SLC38A9: variants seen among roughly 807,000 people sequenced by gnomAD.
The protein encoded by SLC38A9 is solute carrier family 38 member 9, also known as neutral amino acid transporter 9.
SLC38A9 carries 48 observed loss-of-function variants against 62.3 expected under a neutral mutation model. The ratio of observed to expected loss-of-function variants is 0.77; its 90% CI spans 0.61 to 0.98. The LOEUF (loss-of-function observed/expected upper bound fraction) is 0.98, where lower values mean the gene tolerates loss of function less well. SLC38A9 is among the 50% of genes least tolerant of loss of function. The probability of loss-of-function intolerance (pLI) is 0.00; values close to 1 mark genes in which losing one functional copy is unlikely to be tolerated. For synonymous variants in SLC38A9, 204 were observed against 227.7 expected, an observed-to-expected ratio of 0.90 and a Z score of 0.94; for missense variants, 541 against 679.8, an observed-to-expected ratio of 0.80 and a Z score of 2.27.
chr5:55,630,024 A>G (rs1185814420), intron 14 of SLC38A9, among the ~76,000 whole-genome samples: 1 of 152,224 alleles, frequency 6.6e-6, no homozygotes, highest in Non-Finnish European at 1.5e-5. Flanking sequence ...ACGATAGACC[A>G]ATTGGTTTTA....
chr5:55,638,463 T>TGACTCTGC (rs1744830544), intron 12 of SLC38A9, among the ~76,000 whole-genome samples: 1 of 152,206 alleles, frequency 6.6e-6, no homozygotes, highest in African/African-American at 2.4e-5. Flanking sequence ...ATAAGGTAAC[T>TGACTCTGC]GACTCTGTCT....
In SLC38A9 at chr5:55,681,542, G is replaced by A. The variant is rs149484314; in HGVS notation, c.114-8847C>T. ...GGATGACCTTGCCAAAGGACTGCAG[G>A]TTTGCTTCAGGGTTTAGGAGAGGCT... On this transcript the variant is annotated intron_variant, in intron 3 of 15. Coordinates refer to ENST00000396865, the MANE Select transcript of SLC38A9 (RefSeq NM_173514.4). 6.1e-3 allele frequency among the ~76,000 whole-genome samples: 930 copies of A among 152,254 alleles called. 5 individuals are homozygous for A. Among genetic ancestry groups the A allele is most frequent in the African/African-American group, 0.019 (798 of 41,546 alleles).
intron 2 of SLC38A9, among the ~76,000 whole-genome samples, chr5:55,705,551 G>T (rs1757186623): frequency 6.6e-6 from 1 of 152,014 alleles, no homozygotes; most frequent in African/African-American, 2.4e-5. Context: ...TTGAAACCAG[G>T]TCACTTTGAT....
intron 3 of SLC38A9, among the ~76,000 whole-genome samples, chr5:55,695,379 A>G (rs1241292492): frequency 9.6e-6 from 1 of 104,234 alleles, no homozygotes; most frequent in African/African-American, 3.2e-5. Context: ...CAAGTGAACA[A>G]AGGTCTCTGG....
intron 3 of SLC38A9, chr5:55,672,910 C>A (rs1751544359): frequency 7.8e-6 from 3 of 386,340 alleles, no homozygotes; most frequent in Non-Finnish European, 1.3e-5. Context: ...TTACTTTAAG[C>A]ACACTTTTTT....
At chr5:55,652,477 C>G in intron 10 of SLC38A9, 52 bp downstream of exon 10, 18 of 1,173,610 alleles carry the variant, frequency 1.5e-5, no homozygotes, top group Non-Finnish European at 2.1e-5. Flanking sequence ...TCCCTAGACT[C>G]CACCACGTAT....
intron 14 of SLC38A9, among the ~76,000 whole-genome samples, chr5:55,631,734 G>A (rs1239926240): frequency 6.6e-6 from 1 of 152,148 alleles, no homozygotes; most frequent in Non-Finnish European, 1.5e-5. Context: ...AACAAGAACT[G>A]ATTAAGACCA....
At chr5:55,637,115 G>T (rs1472053295) in intron 12 of SLC38A9, among the ~76,000 whole-genome samples, 1 of 152,194 alleles carries the variant, frequency 6.6e-6, no homozygotes, top group Non-Finnish European at 1.5e-5. Context: ...CTCAAGAACA[G>T]AGGTAGCCTT....
rs528532785 is a variant in SLC38A9 at position 55,638,928 on chromosome 5, A to G, written c.1168-3271T>C. On this transcript the variant is annotated intron_variant, in intron 12 of 15. Coordinates refer to ENST00000396865, the MANE Select transcript of SLC38A9 (RefSeq NM_173514.4). ...AAATATCAAGAGGTCAATCCACACAACCAGGAGGGTTATAGGGACTACATA... is the reference window on the plus strand; with the variant it reads ...AAATATCAAGAGGTCAATCCACACAGCCAGGAGGGTTATAGGGACTACATA... Among the ~76,000 whole-genome samples, 7 of 152,286 alleles carry G rather than the reference A, an allele frequency of 4.6e-5. No individual in the cohort carries two copies. The South Asian group carries it at 1.5e-3, about 32-fold the overall frequency.
At chr5:55,678,739 T>C (rs1321495888) in intron 3 of SLC38A9, among the ~76,000 whole-genome samples, 2 of 144,952 alleles carry the variant, frequency 1.4e-5, no homozygotes, top group Non-Finnish European at 3.0e-5. Flanking sequence ...TGGCTCACTA[T>C]TACCTTGAAC....
intron 3 of SLC38A9, among the ~76,000 whole-genome samples, chr5:55,678,613 C>T (rs1429485426): frequency 6.8e-6 from 1 of 146,806 alleles, no homozygotes; most frequent in South Asian, 2.1e-4. Context: ...CAAAAAACAT[C>T]ACATGTAATT....
chr5:55,694,207 C>CA (rs3884110), intron 3 of SLC38A9: 34,823 of 171,730 alleles, frequency 0.2, 3,042 homozygotes, highest in East Asian at 0.4. Flanking sequence ...GACCCTGTCT[C>CA]AAAAAAAAAA....
intron 8 of SLC38A9, among the ~76,000 whole-genome samples, chr5:55,662,843 TTC>T (rs1749829967): frequency 6.6e-6 from 1 of 152,014 alleles, no homozygotes; most frequent in Admixed American, 6.6e-5. Flanking sequence ...CCATAATATT[TTC>T]TTTTTATAGG....
At chr5:55,669,169 C>T in intron 7 of SLC38A9, 59 bp downstream of exon 7, 2 of 1,269,096 alleles carry the variant, frequency 1.6e-6, no homozygotes, top group Non-Finnish European at 1.1e-6. Context: ...TAGTGATCTG[C>T]CTCAAAGGGA....
intron 12 of SLC38A9, among the ~76,000 whole-genome samples, chr5:55,639,272 TA>T (rs753043231): frequency 2.5e-3 from 137 of 54,648 alleles, no homozygotes; most frequent in Middle Eastern, 0.01. Context: ...AAACTCTGTC[TA>T]AAAAAAAAAA....
intron 9 of SLC38A9, among the ~76,000 whole-genome samples, 183 bp downstream of exon 9, chr5:55,656,532 T>C (rs1748451201): frequency 6.6e-6 from 1 of 152,210 alleles, no homozygotes; most frequent in Admixed American, 6.5e-5. Flanking sequence ...TTGGTTACAT[T>C]AACACAGCCT....
chr5:55,641,011 TGTATTTTTA>T (rs2150101858), intron 12 of SLC38A9, among the ~76,000 whole-genome samples: 1 of 152,214 alleles, frequency 6.6e-6, no homozygotes, highest in South Asian at 2.1e-4. Flanking sequence ...TAATTTTTTT[TGTATTTTTA>T]GTAGAGATGG....
chr5:55,632,753 G>A (rs533572836), intron 14 of SLC38A9, among the ~76,000 whole-genome samples: 23 of 152,238 alleles, frequency 1.5e-4, no homozygotes, highest in Non-Finnish European at 3.1e-4. Flanking sequence ...TTGTTTGACT[G>A]CAGGTCATAA....
In SLC38A9 at chr5:55,669,882, G is replaced by T; in HGVS notation, c.247-3C>A. On this transcript the variant is annotated splice_polypyrimidine_tract_variant and splice_region_variant and intron_variant, in intron 4 of 15. Coordinates refer to ENST00000396865, the MANE Select transcript of SLC38A9 (RefSeq NM_173514.4). ...GGAACTACATGGTCTGGGGCAATCTGGTAAAAAGGAAACATAGATAAATTT... is the reference window on the plus strand; with the variant it reads ...GGAACTACATGGTCTGGGGCAATCTTGTAAAAAGGAAACATAGATAAATTT... 1 of 1,578,734 alleles carries T rather than the reference G, an allele frequency of 6.3e-7. No homozygotes were observed. The highest frequency in any genetic ancestry group is 1.2e-5 in the South Asian group (1 of 85,226).
Sources: allele counts gnomAD v4.1 joint callset (sites outside exome capture counted in the v4.1 genomes callset), GRCh38; gene constraint gnomAD v4.1.1; transcripts MANE v1.5; gene names NCBI Gene and HGNC (gene_info 2026-07-23, HGNC 2026-07-21).